The following DNAH11 variants were observed in gnomAD, a reference collection of about 807,000 sequenced individuals.
The protein encoded by DNAH11 is axonemal beta dynein heavy chain 11.
DNAH11 carries 442 observed loss-of-function variants against 526.0 expected under a neutral mutation model. That is an observed-to-expected ratio of 0.84 (90% CI 0.78 to 0.91). The LOEUF (loss-of-function observed/expected upper bound fraction) is 0.91, where lower values mean the gene tolerates loss of function less well. Among genes scored for constraint, DNAH11 ranks in the 40% least tolerant of loss-of-function variants. The probability of loss-of-function intolerance (pLI) is 0.00; values close to 1 mark genes in which losing one functional copy is unlikely to be tolerated. For missense variants in DNAH11, 6,989 were observed against 5,448.7 expected, an observed-to-expected ratio of 1.28 and a Z score of -8.90; for synonymous variants, 2,461 against 1,935.9, an observed-to-expected ratio of 1.27 and a Z score of -7.12.
chr7:21,544,727 AT>A (rs549074195), intron 1 of DNAH11, among the ~76,000 whole-genome samples: 11 of 150,234 alleles, frequency 7.3e-5, no homozygotes, highest in East Asian at 2.0e-4. Context: ...TAGTTATAAG[AT>A]TTTTTTTTTG....
intron 54 of DNAH11, among the ~76,000 whole-genome samples, chr7:21,758,771 C>T (rs914107411): frequency 2.6e-5 from 4 of 152,140 alleles, no homozygotes; most frequent in African/African-American, 4.8e-5. Flanking sequence ...CATCACTGTA[C>T]GTTGAATAGC....
intron 64 of DNAH11, among the ~76,000 whole-genome samples, chr7:21,816,979 G>A (rs1438117109): frequency 1.3e-5 from 2 of 152,140 alleles, no homozygotes; most frequent in Non-Finnish European, 2.9e-5. Context: ...CTAAAGCCAA[G>A]AATGGATATA....
chr7:21,787,473 A>T lies in DNAH11; in HGVS notation c.9814A>T (p.Asn3272Tyr), dbSNP rs755671267. 1 of 1,613,828 alleles carries T rather than the reference A, an allele frequency of 6.2e-7. No individual in the cohort carries two copies. The change falls in exon 60 of 82, where the codon AAT (asparagine) becomes TAT (tyrosine). Residue 3272 changes from asparagine to tyrosine, a missense_variant. Physicochemically the swap from Asn to Tyr is moderately radical, Grantham distance 143 (BLOSUM62 -2). Coordinates refer to ENST00000409508, the MANE Select transcript of DNAH11 (RefSeq NM_001277115.2). ...TCCAGAGAACTGTCTAAAAGTGGTG[A>T]ATGAACACTATTTGAAAGACCCAGA... ...HIPENCLKVV[N>Y]EHYLKDPEFN...
At chr7:21,843,878 T>C (rs1407171712) in intron 66 of DNAH11, among the ~76,000 whole-genome samples, 2 of 152,314 alleles carry the variant, frequency 1.3e-5, no homozygotes, top group African/African-American at 2.4e-5. Flanking sequence ...TTGGCAATAG[T>C]GTGTCTCAAA....
chr7:21,665,081 A>ATCTC (rs149209790), intron 30 of DNAH11, among the ~76,000 whole-genome samples: 6 of 145,660 alleles, frequency 4.1e-5, no homozygotes, highest in East Asian at 4.0e-4. Flanking sequence ...CTCTTTCTTT[A>ATCTC]TCTCTCTCTC....
At chr7:21,814,531 A>C (rs1329043677) in intron 63 of DNAH11, among the ~76,000 whole-genome samples, 2 of 88,186 alleles carry the variant, frequency 2.3e-5, no homozygotes, top group African/African-American at 4.6e-5. Flanking sequence ...CCACCCCACC[A>C]CAGGCCCCAG....
intron 65 of DNAH11, among the ~76,000 whole-genome samples, chr7:21,827,621 T>C (rs997740480): frequency 1.3e-5 from 2 of 151,674 alleles, no homozygotes; most frequent in African/African-American, 4.8e-5. Context: ...TAAAATTGGC[T>C]AATAGAAATA....
chr7:21,693,439 A>G (rs1364222297), intron 35 of DNAH11, among the ~76,000 whole-genome samples: 1 of 152,216 alleles, frequency 6.6e-6, no homozygotes, highest in African/African-American at 2.4e-5. Flanking sequence ...CTGTCCTTGT[A>G]AAATTTTTGT....
At position 21,681,651 on chromosome 7, in the gene DNAH11, G is replaced by A. The variant is rs376798792; in HGVS notation, c.5434G>A (p.Val1812Met). Residue 1812 changes from valine (V) to methionine (M), a missense_variant, in exon 31 of 82, where the codon GTG becomes ATG. Physicochemically the swap from Val to Met is conservative, Grantham distance 21 (BLOSUM62 1). Coordinates refer to ENST00000409508, the MANE Select transcript of DNAH11 (RefSeq NM_001277115.2). ...TACCATAGATGTCCATGCCAGAGAC[G>A]TGGTGGCAAAACTTATTTCTCAGAA... is the stretch of plus-strand genomic sequence containing the variant. ...ICTIDVHARD[V>M]VAKLISQKVV... 6.6e-5 allele frequency: 106 copies of A among 1,613,954 alleles called. No homozygotes were observed. In the Admixed American group the frequency reaches 7.8e-4, roughly 12 times the overall value.
chr7:21,716,454 T>C (rs1376584829), intron 42 of DNAH11, among the ~76,000 whole-genome samples: 4 of 152,092 alleles, frequency 2.6e-5, no homozygotes, highest in African/African-American at 7.2e-5. Context: ...GAGGAGAAAA[T>C]TGAGGCACAG....
chr7:21,614,983 A>G (rs1258545585), intron 20 of DNAH11, 131 bp from the exon 21 acceptor site: 1 of 1,082,288 alleles, frequency 9.2e-7, no homozygotes. Context: ...GCCAGTAATT[A>G]CGCTGCAGAT....
intron 35 of DNAH11, among the ~76,000 whole-genome samples, chr7:21,696,364 T>C (rs759767741): frequency 6.6e-6 from 1 of 152,190 alleles, no homozygotes; most frequent in Non-Finnish European, 1.5e-5. Context: ...TAAACAATTA[T>C]TTTCCCTAAT....
At chr7:21,693,078 A>G (rs1340171725) in intron 35 of DNAH11, among the ~76,000 whole-genome samples, 4 of 152,198 alleles carry the variant, frequency 2.6e-5, no homozygotes, top group Admixed American at 6.6e-5. Flanking sequence ...TTGTCCATCA[A>G]AGATAGAAGT....
At chr7:21,694,435 T>G (rs1340263076) in intron 35 of DNAH11, among the ~76,000 whole-genome samples, 1 of 152,118 alleles carries the variant, frequency 6.6e-6, no homozygotes, top group Admixed American at 6.5e-5. Flanking sequence ...CACTTATGAG[T>G]GAGAACATGT....
intron 34 of DNAH11, 96 bp downstream of exon 34, chr7:21,687,623 C>G: frequency 7.2e-7 from 1 of 1,381,902 alleles, no homozygotes; most frequent in Non-Finnish European, 9.8e-7. Flanking sequence ...CTCTCCCTGT[C>G]TCATGAAATA....
intron 68 of DNAH11, among the ~76,000 whole-genome samples, chr7:21,861,462 A>T (rs539111631): frequency 1.3e-5 from 2 of 152,370 alleles, no homozygotes; most frequent in African/African-American, 4.8e-5. Flanking sequence ...TCTTGTGGTT[A>T]CACAAGAATG....
chr7:21,811,249 G>A (rs548891518), intron 63 of DNAH11, among the ~76,000 whole-genome samples: 42 of 152,142 alleles, frequency 2.8e-4, no homozygotes, highest in Admixed American at 2.8e-3. Context: ...GATCACTTGA[G>A]GTCAGGAGTT....
At chr7:21,745,387 T>G (rs1362698913) in intron 51 of DNAH11, among the ~76,000 whole-genome samples, 1 of 152,208 alleles carries the variant, frequency 6.6e-6, no homozygotes. Context: ...CAGGTTTTGT[T>G]GAGTGCCAGA....
At chr7:21,849,981 T>TC (rs1229164806) in intron 66 of DNAH11, among the ~76,000 whole-genome samples, 1 of 149,566 alleles carries the variant, frequency 6.7e-6, no homozygotes, top group Non-Finnish European at 1.5e-5. Flanking sequence ...TTTTTATTCT[T>TC]TTTTTTTTTC....
Sources: gnomAD v4.1 joint callset for allele counts (sites outside exome capture counted in the v4.1 genomes callset) on GRCh38, gnomAD v4.1.1 for gene constraint, MANE v1.5 for transcripts, NCBI Gene and HGNC (gene_info 2026-07-23, HGNC 2026-07-21) for gene names.